The following NAV2 variants were observed in gnomAD, a reference collection of about 807,000 sequenced individuals.
NAV2 encodes the protein neuron navigator 2.
NAV2 carries 54 observed loss-of-function variants against 223.2 expected under a neutral mutation model. The ratio of observed to expected loss-of-function variants is 0.24; its 90% CI spans 0.19 to 0.30. NAV2 has a LOEUF of 0.30. NAV2 is among the 10% of genes least tolerant of loss of function. NAV2 has a pLI of 1.00. For missense variants in NAV2, 2,806 were observed against 3,147.5 expected, an observed-to-expected ratio of 0.89 and a Z score of 2.60; for synonymous variants, 1,279 against 1,239.3, an observed-to-expected ratio of 1.03 and a Z score of -0.67.
intron 1 of NAV2, among the ~76,000 whole-genome samples, chr11:19,688,067 A>T (rs1051549863): frequency 6.6e-6 from 1 of 152,138 alleles, no homozygotes; most frequent in African/African-American, 2.4e-5. Flanking sequence ...ATAGAATGGG[A>T]TGAAAGAGGG....
chr11:19,370,696 T>C (rs1197287942), intron 1 of NAV2, among the ~76,000 whole-genome samples: 1 of 152,230 alleles, frequency 6.6e-6, no homozygotes, highest in Non-Finnish European at 1.5e-5. Context: ...CCAGCCTGGA[T>C]TGTGTAACAG....
At chr11:19,421,758 G>C (rs1441924700) in intron 1 of NAV2, among the ~76,000 whole-genome samples, 2 of 131,756 alleles carry the variant, frequency 1.5e-5, no homozygotes, top group Non-Finnish European at 3.2e-5. Flanking sequence ...TGCCTTAAGA[G>C]AGAGGCTTTT....
chr11:20,008,559 G>A (rs2053286694), intron 11 of NAV2, among the ~76,000 whole-genome samples: 1 of 152,156 alleles, frequency 6.6e-6, no homozygotes, highest in Non-Finnish European at 1.5e-5. Flanking sequence ...TTGACCCTTA[G>A]GATAGAGGCT....
intron 1 of NAV2, among the ~76,000 whole-genome samples, chr11:19,382,614 A>T (rs1848887244): frequency 6.6e-6 from 1 of 152,168 alleles, no homozygotes; most frequent in African/African-American, 2.4e-5. Flanking sequence ...AAGTCTAATG[A>T]CTGAAAATCA....
intron 1 of NAV2, chr11:19,778,125 T>G: frequency 5.1e-6 from 2 of 390,978 alleles, no homozygotes; most frequent in Non-Finnish European, 1.0e-5. Context: ...CCGGGAGAGC[T>G]GAGGATAGCA....
At position 19,602,201 on chromosome 11, in the gene NAV2, G is replaced by A. The variant is rs2046367780; in HGVS notation, c.76-230283G>A. ...TTTTTTTTTTTTTTTTTTTTGAGAT[G>A]GAGTCTCGCTCTGTTGCCCAGGCTG... On this transcript the variant is annotated intron_variant, in intron 1 of 37. Transcript: ENST00000360655. Among the ~76,000 whole-genome samples the A allele has an allele frequency of 3.0e-5, 4 of 132,336 alleles. 1 individual carries two copies. In the South Asian group the frequency reaches 9.8e-4, roughly 33 times the overall value. The allele number at this position is 132,336 out of a possible 152,430, so 86.8% of individuals were successfully genotyped here. A position where few individuals can be genotyped will look rare whatever the true frequency, so the allele number is the denominator to read the frequency against.
chr11:19,867,069 T>C (rs1252883836), intron 3 of NAV2, among the ~76,000 whole-genome samples: 1 of 152,200 alleles, frequency 6.6e-6, no homozygotes, highest in Non-Finnish European at 1.5e-5. Flanking sequence ...ATTACCACTG[T>C]GTACAAAAGT....
intron 3 of NAV2, among the ~76,000 whole-genome samples, chr11:19,858,989 C>G (rs573645670): frequency 5.9e-5 from 9 of 152,194 alleles, no homozygotes; most frequent in African/African-American, 2.2e-4. Flanking sequence ...CCACCCAATC[C>G]TCTCAGTAAT....
intron 1 of NAV2, among the ~76,000 whole-genome samples, chr11:19,621,509 T>C (rs2046994553): frequency 6.6e-6 from 1 of 152,376 alleles, no homozygotes; most frequent in South Asian, 2.1e-4. Context: ...GAGGAATTTA[T>C]CCATTTCTTC....
chr11:19,648,169 A>G (rs1213926345), intron 1 of NAV2, among the ~76,000 whole-genome samples: 1 of 152,224 alleles, frequency 6.6e-6, no homozygotes, highest in Non-Finnish European at 1.5e-5. Context: ...CAATTAAAAC[A>G]GTATATTAAA....
At chr11:20,032,396 G>A (rs1355749249) in intron 11 of NAV2, among the ~76,000 whole-genome samples, 3 of 152,120 alleles carry the variant, frequency 2.0e-5, no homozygotes, top group Non-Finnish European at 4.4e-5. Flanking sequence ...ATGCCCCTCC[G>A]GAATATTATG....
At chr11:19,655,907 A>C (rs985833341) in intron 1 of NAV2, among the ~76,000 whole-genome samples, 2 of 152,176 alleles carry the variant, frequency 1.3e-5, no homozygotes, top group Non-Finnish European at 2.9e-5. Context: ...AATTTAAAAA[A>C]AAGAATCTTA....
intron 1 of NAV2, among the ~76,000 whole-genome samples, chr11:19,478,493 G>A (rs1318551743): frequency 6.6e-6 from 1 of 152,164 alleles, no homozygotes; most frequent in Non-Finnish European, 1.5e-5. Flanking sequence ...GACTAAAGCA[G>A]AAGGAAAAAC....
At chr11:19,846,579 A>G (rs1055752740) in intron 3 of NAV2, among the ~76,000 whole-genome samples, 3 of 151,636 alleles carry the variant, frequency 2.0e-5, no homozygotes, top group African/African-American at 7.3e-5. Context: ...ACGGCTGTTA[A>G]TATTTTTATA....
At chr11:19,509,649 G>A (rs545575410) in intron 1 of NAV2, among the ~76,000 whole-genome samples, 2 of 152,330 alleles carry the variant, frequency 1.3e-5, no homozygotes, top group South Asian at 4.1e-4. Context: ...ATCAGCAGCA[G>A]CAGGCAAGAT....
chr11:20,092,590 C>T (rs1434485819), intron 28 of NAV2, among the ~76,000 whole-genome samples: 1 of 152,114 alleles, frequency 6.6e-6, no homozygotes, highest in Non-Finnish European at 1.5e-5. Context: ...ATTCTCCAAG[C>T]CCTGAGCTTG....
At chr11:19,793,705 TG>T (rs11364414) in intron 1 of NAV2, among the ~76,000 whole-genome samples, 35,811 of 151,916 alleles carry the variant, frequency 0.24, 4,909 homozygotes, top group East Asian at 0.65. Flanking sequence ...AACCTTTCCC[TG>T]GCTACTCAAG....
intron 3 of NAV2, among the ~76,000 whole-genome samples, chr11:19,856,019 A>G (rs372432437): frequency 6.6e-6 from 1 of 152,300 alleles, no homozygotes; most frequent in East Asian, 1.9e-4. Context: ...TGATATGTGG[A>G]TATGTAGATA....
intron 26 of NAV2, among the ~76,000 whole-genome samples, chr11:20,086,909 A>G (rs571593820): frequency 4.6e-5 from 7 of 152,274 alleles, no homozygotes; most frequent in South Asian, 2.1e-4. Flanking sequence ...ATCCATATCC[A>G]GGTCAACCAG....
Sources: gnomAD v4.1 joint callset for allele counts (sites outside exome capture counted in the v4.1 genomes callset) on GRCh38, gnomAD v4.1.1 for gene constraint, MANE v1.5 for transcripts, NCBI Gene and HGNC (gene_info 2026-07-23, HGNC 2026-07-21) for gene names.